The following FMNL3 variants were observed in gnomAD, a reference collection of about 807,000 sequenced individuals.
The protein encoded by FMNL3 is formin-like protein 3.
FMNL3 carries 57 observed loss-of-function variants against 119.6 expected under a neutral mutation model. That is an observed-to-expected ratio of 0.48 (90% CI 0.39 to 0.59). The LOEUF (loss-of-function observed/expected upper bound fraction) is 0.59, where lower values mean the gene tolerates loss of function less well. Ranked by LOEUF, FMNL3 falls within the 20% of genes least tolerant of loss-of-function variation. FMNL3 has a pLI of 0.00. For missense variants in FMNL3, 1,053 were observed against 1,323.5 expected (o/e 0.80, Z 3.17); for synonymous variants, 491 against 507.3 (o/e 0.97, Z 0.43).
At chr12:49,700,939 C>T (rs533613573) in intron 1 of FMNL3, among the ~76,000 whole-genome samples, 13 of 151,032 alleles carry the variant, frequency 8.6e-5, no homozygotes, top group East Asian at 5.8e-4. Flanking sequence ...ATTAGCCAGG[C>T]GTGGTGGTGG....
In FMNL3 at chr12:49,641,687, C is replaced by A. The variant is rs1565848400; in HGVS notation, c.*4128G>T. 1 of 544,012 alleles carries A rather than the reference C, an allele frequency of 1.8e-6. No individual in the cohort carries two copies. Among genetic ancestry groups the A allele is most frequent in the Non-Finnish European group, 3.3e-6 (1 of 306,776 alleles). The allele number at this position is 544,012 out of a possible 1,614,324, so 33.7% of individuals were successfully genotyped here. ...TCAGCAGTTGGGAGACATCTCCCAA[C>A]CCCTTCAGCTCTGTGTGACATCCAA... is the stretch of plus-strand genomic sequence containing the variant. On this transcript the variant is annotated 3_prime_UTR_variant, in exon 26 of 26. Transcript: ENST00000335154.
Position 49,645,450 on chromosome 12 carries a change from A to C in FMNL3, c.*365T>G. ...GCTGACCATGGGCCTGCAAAAAGGA[A>C]GGGAAAAAAAAAGAAAGAACAGTTG... is the stretch of plus-strand genomic sequence containing the variant. On this transcript the variant is annotated 3_prime_UTR_variant, in exon 26 of 26. Transcript: ENST00000335154. The C allele has an allele frequency of 5.1e-6, 1 of 197,140 alleles. No individual in the cohort carries two copies. Among genetic ancestry groups the C allele is most frequent in the East Asian group, 1.4e-4 (1 of 7,160 alleles). The allele number at this position is 197,140 out of a possible 1,614,324, so 12.2% of individuals were successfully genotyped here.
chr12:49,673,423 C>G (rs1944098535), intron 1 of FMNL3, among the ~76,000 whole-genome samples: 1 of 152,268 alleles, frequency 6.6e-6, no homozygotes, highest in Admixed American at 6.5e-5. Context: ...GGATTCCCCT[C>G]ACAAACCAAC....
At chr12:49,684,844 T>C (rs554231391) in intron 1 of FMNL3, among the ~76,000 whole-genome samples, 4 of 152,298 alleles carry the variant, frequency 2.6e-5, no homozygotes, top group Non-Finnish European at 5.9e-5. Flanking sequence ...TGAGTGCTTA[T>C]ATGAGGTTGA....
intron 1 of FMNL3, among the ~76,000 whole-genome samples, chr12:49,690,676 G>C (rs1944577975): frequency 6.6e-6 from 1 of 152,146 alleles, no homozygotes; most frequent in Non-Finnish European, 1.5e-5. Flanking sequence ...CTTAGCAAAG[G>C]AGAACTTGTT....
In FMNL3 at chr12:49,649,724, C is replaced by T. The variant is rs1191499060; in HGVS notation, c.2202G>A (p.Gly734=). Reference sequence around the variant, plus strand: ...GCATCTGCAGGTTATCCTGGAAGTTCCCCAGGAAGGCCATGCCAGCCATTC... The same window carrying T: ...GCATCTGCAGGTTATCCTGGAAGTTTCCCAGGAAGGCCATGCCAGCCATTC... ...TQRMAGMAFL[G]NFQDNLQMLT... Residue 734 remains glycine, a synonymous_variant, in exon 18 of 26, where the codon GGG becomes GGA. Transcript: ENST00000335154. This position sits in a 1 kb window ranked among gnomAD's most constrained non-coding sequence, Gnocchi z 5.6. 2 of 1,614,150 alleles carry T rather than the reference C, an allele frequency of 1.2e-6. No individual in the cohort carries two copies. The highest frequency in any genetic ancestry group is 2.2e-5 in the East Asian group (1 of 44,888).
At chr12:49,673,476 C>T (rs1437417449) in intron 1 of FMNL3, among the ~76,000 whole-genome samples, 1 of 152,230 alleles carries the variant, frequency 6.6e-6, no homozygotes, top group Non-Finnish European at 1.5e-5. Flanking sequence ...ACACAAGGCA[C>T]AAAGGCCCAT....
chr12:49,641,807 A>G lies in FMNL3; in HGVS notation c.*4008T>C, dbSNP rs1158717205. The G allele has an allele frequency of 3.2e-6, 3 of 930,576 alleles. No homozygotes were observed. The highest frequency in any genetic ancestry group is 4.8e-5 in the East Asian group (2 of 41,418). The allele number at this position is 930,576 out of a possible 1,614,324, so 57.6% of individuals were successfully genotyped here. A position where few individuals can be genotyped will look rare whatever the true frequency, so the allele number is the denominator to read the frequency against. On this transcript the variant is annotated 3_prime_UTR_variant, in exon 26 of 26. Coordinates refer to ENST00000335154, the MANE Select transcript of FMNL3 (RefSeq NM_175736.5). ...CCACAGTCCTGTGGATCTCTTCCAG[A>G]GGCAAGGGCCTTCTTGACCATCTGT...
At chr12:49,660,401 T>C (rs1365196577) in intron 5 of FMNL3, among the ~76,000 whole-genome samples, 15 of 152,362 alleles carry the variant, frequency 9.8e-5, no homozygotes, top group African/African-American at 3.6e-4. Context: ...ATAAAAGCTC[T>C]GAATTTTTTA....
Position 49,642,418 on chromosome 12 carries a change from A to T in FMNL3, c.*3397T>A. 2 of 1,603,076 alleles carry T rather than the reference A, an allele frequency of 1.2e-6. No individual in the cohort carries two copies. Among genetic ancestry groups the T allele is most frequent in the Non-Finnish European group, 8.5e-7 (1 of 1,171,576 alleles). ...CCAAGCACCCCTCAAGCCTGAGGGC[A>T]GCGGTGCTTCACCACTGAGGGCCCA... On this transcript the variant is annotated 3_prime_UTR_variant, in exon 26 of 26. Transcript: ENST00000335154. This position sits in a 1 kb window ranked among gnomAD's most constrained non-coding sequence, Gnocchi z 5.8.
chr12:49,687,749 C>G (rs1944504673), intron 1 of FMNL3, among the ~76,000 whole-genome samples: 1 of 152,116 alleles, frequency 6.6e-6, no homozygotes, highest in Non-Finnish European at 1.5e-5. Flanking sequence ...AGTGATCATG[C>G]AAAGATTTTT....
chr12:49,648,303 C>G lies in FMNL3; in HGVS notation c.2566G>C (p.Glu856Gln), dbSNP rs369982116. 6.2e-7 allele frequency: 1 copy of G among 1,613,604 alleles called. No homozygotes were observed. Among genetic ancestry groups the G allele is most frequent in the African/African-American group, 1.3e-5 (1 of 74,872 alleles). ...LDVKELGRGM[E>Q]LIRRECSIHD... The stretch of plus-strand genomic sequence containing the variant: ...ATGCTGCACTCACGCCGAATCAGCT[C>G]CATGCCCCGGCCCAGCTCCTTCACG... The change falls in exon 22 of 26, where the codon GAG becomes CAG. Residue 856 changes from glutamate to glutamine, a missense_variant. Glu to Gln is a conservative substitution (Grantham distance 29, BLOSUM62 2). Coordinates refer to ENST00000335154, the MANE Select transcript of FMNL3 (RefSeq NM_175736.5).
At chr12:49,655,164 G>C (rs904263390) in intron 9 of FMNL3, among the ~76,000 whole-genome samples, 180 bp from the exon 10 acceptor site, 1 of 152,152 alleles carries the variant, frequency 6.6e-6, no homozygotes, top group African/African-American at 2.4e-5. Context: ...AGGCGCGGTG[G>C]CTCACACCTA....
At chr12:49,688,462 G>A (rs962645216) in intron 1 of FMNL3, 2 of 455,972 alleles carry the variant, frequency 4.4e-6, no homozygotes, top group South Asian at 3.1e-5. Flanking sequence ...ATACCTTCTC[G>A]GACTCTCCTC....
At chr12:49,705,843 G>A (rs1945034358) in intron 1 of FMNL3, among the ~76,000 whole-genome samples, 1 of 152,176 alleles carries the variant, frequency 6.6e-6, no homozygotes, top group Non-Finnish European at 1.5e-5. Context: ...TGGTGCCAGT[G>A]GGCTGATGTC....
chr12:49,638,102 G>A lies in FMNL3; in HGVS notation c.*7713C>T. Reference sequence around the variant, plus strand: ...TCTGAAGAACTAACATTTGAACTGTGCATTTAGAAATTTGTAGGTGGAAGA... The same window carrying A: ...TCTGAAGAACTAACATTTGAACTGTACATTTAGAAATTTGTAGGTGGAAGA... On this transcript the variant is annotated 3_prime_UTR_variant, in exon 26 of 26. Coordinates refer to ENST00000335154, the MANE Select transcript of FMNL3 (RefSeq NM_175736.5). 2.5e-6 allele frequency: 1 copy of A among 394,486 alleles called. No homozygotes were observed. The highest frequency in any genetic ancestry group is 4.6e-6 in the Non-Finnish European group (1 of 216,848). 24.4% of individuals were successfully genotyped at this position (394,486 alleles called of 1,614,324 possible).
chr12:49,678,937 AG>A (rs750211384), intron 1 of FMNL3, among the ~76,000 whole-genome samples: 1 of 152,220 alleles, frequency 6.6e-6, no homozygotes, highest in Non-Finnish European at 1.5e-5. Flanking sequence ...AGTATGTATA[AG>A]GAAATTACAG....
In FMNL3 at chr12:49,643,425, T is replaced by C; in HGVS notation, c.*2390A>G. The stretch of plus-strand genomic sequence containing the variant: ...AAGCAGTTGCTGTGAGCGTAGAAGC[T>C]GGAGAACTGTTGTCCCAGACTGAGA... On this transcript the variant is annotated 3_prime_UTR_variant, in exon 26 of 26. Coordinates refer to ENST00000335154, the MANE Select transcript of FMNL3 (RefSeq NM_175736.5). The C allele has an allele frequency of 6.5e-7, 1 of 1,531,878 alleles. No homozygotes were observed. Among genetic ancestry groups the C allele is most frequent in the East Asian group, 2.3e-5 (1 of 44,256 alleles). The allele number at this position is 1,531,878 out of a possible 1,614,324, so 94.9% of individuals were successfully genotyped here.
chr12:49,654,944 T>C lies in FMNL3; in HGVS notation c.926A>G (p.Tyr309Cys). 6.2e-7 allele frequency: 1 copy of C among 1,614,064 alleles called. No homozygotes were observed. The highest frequency in any genetic ancestry group is 8.5e-7 in the Non-Finnish European group (1 of 1,179,982). Residue 309 changes from tyrosine (Y) to cysteine (C), a missense_variant, in exon 10 of 26, where the codon TAT becomes TGT. By Grantham distance (194) the Tyr-to-Cys change is radical. This residue lies in a region of FMNL3 where 445 missense variants were observed against 628.4 expected (regional missense o/e 0.71). Transcript: ENST00000335154. Reference protein sequence around the residue: ...ELHRFEKLMEYFRNEDSNIDF... With the variant: ...ELHRFEKLMECFRNEDSNIDF... The stretch of plus-strand genomic sequence containing the variant: ...AATATTGCTGTCCTCATTCCGGAAA[T>C]ACTCCATCAGCTTCTCAAAGCGGTG...
Sources: gnomAD v4.1 joint callset for allele counts (sites outside exome capture counted in the v4.1 genomes callset) on GRCh38, gnomAD v4.1.1 for gene constraint, gnomAD v4.1.1 regional missense constraint, Gnocchi (gnomAD v3.1) non-coding constraint, MANE v1.5 for transcripts, NCBI Gene and HGNC (gene_info 2026-07-23, HGNC 2026-07-21) for gene names.